HMCN1: variants seen among roughly 807,000 people sequenced by gnomAD.
HMCN1 encodes hemicentin-1.
In HMCN1, 321 loss-of-function variants were observed where a neutral mutation model predicts 625.9. The ratio of observed to expected loss-of-function variants is 0.51; its 90% CI spans 0.47 to 0.56. HMCN1 has a LOEUF of 0.56. Ranked by LOEUF, HMCN1 falls within the 20% of genes least tolerant of loss-of-function variation. HMCN1 has a pLI of 0.00. For missense variants in HMCN1, 6,588 were observed against 6,887.3 expected (o/e 0.96, Z 1.54); for synonymous variants, 2,425 against 2,417.6 (o/e 1.00, Z -0.09).
At chr1:185,956,059 A>G (rs115879686) in intron 11 of HMCN1, among the ~76,000 whole-genome samples, 36 of 152,198 alleles carry the variant, frequency 2.4e-4, no homozygotes, top group African/African-American at 8.4e-4. Context: ...TTTGCACTTA[A>G]TCACGTGTTT....
intron 1 of HMCN1, among the ~76,000 whole-genome samples, chr1:185,765,814 G>A (rs1273419079): frequency 2.0e-5 from 3 of 152,154 alleles, no homozygotes; most frequent in Non-Finnish European, 4.4e-5. Flanking sequence ...ACTGGATGGG[G>A]CCCAGCAATC....
At chr1:186,031,465 A>C (rs556265502) in intron 36 of HMCN1, among the ~76,000 whole-genome samples, 150 of 150,480 alleles carry the variant, frequency 1.0e-3, no homozygotes, top group African/African-American at 3.6e-3. Context: ...GGTTTTAAAC[A>C]GTTTGGTTTT....
At chr1:185,921,430 G>A (rs951895376) in intron 6 of HMCN1, among the ~76,000 whole-genome samples, 1 of 152,180 alleles carries the variant, frequency 6.6e-6, no homozygotes, top group African/African-American at 2.4e-5. Flanking sequence ...AGCTCTGGAA[G>A]TGGCCCACTG....
intron 105 of HMCN1, among the ~76,000 whole-genome samples, chr1:186,183,017 T>A (rs995581292): frequency 6.6e-6 from 1 of 152,226 alleles, no homozygotes; most frequent in African/African-American, 2.4e-5. Context: ...CATGTACTTA[T>A]ATTAAGGAGA....
At chr1:185,968,092 A>C (rs901173037) in intron 14 of HMCN1, among the ~76,000 whole-genome samples, 1 of 152,168 alleles carries the variant, frequency 6.6e-6, no homozygotes, top group Non-Finnish European at 1.5e-5. Flanking sequence ...GTTGTTCCTA[A>C]AATGTGGTTT....
intron 48 of HMCN1, among the ~76,000 whole-genome samples, chr1:186,064,708 G>C (rs1657992450): frequency 6.6e-6 from 1 of 151,244 alleles, no homozygotes; most frequent in Non-Finnish European, 1.5e-5. Flanking sequence ...TACTTGGGAG[G>C]CTGAGGCAGG....
chr1:186,050,611 A>G (rs1656887273), intron 42 of HMCN1, among the ~76,000 whole-genome samples: 1 of 152,042 alleles, frequency 6.6e-6, no homozygotes, highest in African/African-American at 2.4e-5. Context: ...CATATTGCAG[A>G]AAAGTCAAAT....
At chr1:185,745,176 G>A (rs1376414071) in intron 1 of HMCN1, among the ~76,000 whole-genome samples, 3 of 152,148 alleles carry the variant, frequency 2.0e-5, no homozygotes, top group Admixed American at 6.5e-5. Context: ...CTGATAGTAA[G>A]CTCCTTATAC....
chr1:185,807,117 T>A (rs1659223605), intron 1 of HMCN1, among the ~76,000 whole-genome samples: 1 of 152,208 alleles, frequency 6.6e-6, no homozygotes, highest in South Asian at 2.1e-4. Context: ...AAAAAGCAGT[T>A]TTCTGTTAAA....
intron 1 of HMCN1, among the ~76,000 whole-genome samples, chr1:185,744,232 G>A (rs1013827240): frequency 1.3e-5 from 2 of 151,794 alleles, no homozygotes; most frequent in African/African-American, 4.8e-5. Flanking sequence ...CTGACCTTGT[G>A]ATCCACCCAC....
chr1:186,094,026 T>G (rs1030522725), intron 66 of HMCN1, among the ~76,000 whole-genome samples: 3 of 152,100 alleles, frequency 2.0e-5, no homozygotes, highest in Non-Finnish European at 4.4e-5. Flanking sequence ...TCTCTATTAA[T>G]ATATATTTGA....
chr1:185,813,953 T>G (rs751617475), intron 1 of HMCN1, among the ~76,000 whole-genome samples: 2 of 152,192 alleles, frequency 1.3e-5, no homozygotes, highest in African/African-American at 2.4e-5. Context: ...GATATGGAGT[T>G]CACTTAAAGG....
intron 36 of HMCN1, among the ~76,000 whole-genome samples, chr1:186,026,937 G>A (rs1049282983): frequency 5.3e-5 from 8 of 151,844 alleles, no homozygotes; most frequent in Non-Finnish European, 7.4e-5. Flanking sequence ...GCCCAGCCCA[G>A]GTTTTTTTTT....
intron 1 of HMCN1, among the ~76,000 whole-genome samples, chr1:185,783,344 C>T (rs1272871895): frequency 2.0e-5 from 3 of 152,200 alleles, no homozygotes; most frequent in Non-Finnish European, 4.4e-5. Context: ...CTTCTCTCAA[C>T]TTATCAAAGT....
intron 4 of HMCN1, among the ~76,000 whole-genome samples, chr1:185,903,753 G>C (rs1665944492): frequency 6.6e-6 from 1 of 151,658 alleles, no homozygotes; most frequent in South Asian, 2.1e-4. Context: ...TCCATCCTCA[G>C]GAATAGACTT....
At chr1:185,943,839 C>T (rs1668200683) in intron 11 of HMCN1, among the ~76,000 whole-genome samples, 1 of 152,140 alleles carries the variant, frequency 6.6e-6, no homozygotes, top group Non-Finnish European at 1.5e-5. Context: ...AGCACCCATC[C>T]TAATGCTATC....
In HMCN1 at chr1:186,145,899, A is replaced by C. The variant is rs1650289326; in HGVS notation, c.14584A>C (p.Arg4862=). Residue 4862 remains arginine (R), a synonymous_variant, in exon 93 of 107, where the codon AGG becomes CGG. Coordinates refer to ENST00000271588, the MANE Select transcript of HMCN1 (RefSeq NM_031935.3). ...TCCCGGAGACACTACTCAGGTGACC[A>C]GGTGCAATGTACAAGCATGTCCAGG... is the stretch of plus-strand genomic sequence containing the variant. ...PCPGDTTQVT[R]CNVQACPGGP... The C allele has an allele frequency of 6.2e-7, 1 of 1,614,074 alleles. No homozygotes were observed. Among genetic ancestry groups the C allele is most frequent in the East Asian group, 2.2e-5 (1 of 44,864 alleles).
chr1:186,065,093 C>A, intron 48 of HMCN1, 145 bp from the exon 49 acceptor site: 1 of 619,014 alleles, frequency 1.6e-6, no homozygotes, highest in Non-Finnish European at 2.8e-6. Flanking sequence ...AGTTAGCTTG[C>A]ATAGTTATTT....
intron 102 of HMCN1, among the ~76,000 whole-genome samples, chr1:186,173,650 A>AAAAAAG (rs1652374198): frequency 1.3e-5 from 2 of 151,076 alleles, no homozygotes; most frequent in South Asian, 2.1e-4. Flanking sequence ...CAAAAAAAAA[A>AAAAAAG]AAAAAGAAAA....
Sources: gnomAD v4.1 joint callset for allele counts (sites outside exome capture counted in the v4.1 genomes callset) on GRCh38, gnomAD v4.1.1 for gene constraint, MANE v1.5 for transcripts, NCBI Gene and HGNC (gene_info 2026-07-23, HGNC 2026-07-21) for gene names.